Variants in CRYBG3 observed in about 807,000 individuals in gnomAD.
CRYBG3 encodes crystallin beta-gamma domain containing 3.
In CRYBG3, 127 loss-of-function variants were observed where a neutral mutation model predicts 244.2. The ratio of observed to expected loss-of-function variants is 0.52; its 90% CI spans 0.45 to 0.60. The LOEUF (loss-of-function observed/expected upper bound fraction) is 0.60. Ranked by LOEUF, CRYBG3 falls within the 20% of genes least tolerant of loss-of-function variation. The probability of loss-of-function intolerance (pLI) is 0.00; values close to 1 mark genes in which losing one functional copy is unlikely to be tolerated. For synonymous variants in CRYBG3, 1,132 were observed against 1,195.8 expected, an observed-to-expected ratio of 0.95 and a Z score of 1.10; for missense variants, 3,325 against 3,442.5, an observed-to-expected ratio of 0.97 and a Z score of 0.85.
chr3:97,872,187 T>C lies in CRYBG3; in HGVS notation c.993T>C (p.Asn331=), dbSNP rs2039312948. 3 of 1,535,708 alleles carry C rather than the reference T, an allele frequency of 2.0e-6. No homozygotes were observed. The highest frequency in any genetic ancestry group is 1.4e-5 in the African/African-American group (1 of 73,034). ...PELQNIASSN[N]LLNKNAWGSI... is the part of the protein sequence containing the mutation. ...TGCAGAATATTGCCTCTTCCAATAATCTTTTAAATAAAAATGCTTGGGGGA... is the reference window on the plus strand; with the variant it reads ...TGCAGAATATTGCCTCTTCCAATAACCTTTTAAATAAAAATGCTTGGGGGA... The change falls in exon 4 of 22, where the codon AAT becomes AAC. Residue 331 remains asparagine (N), a synonymous_variant. Coordinates refer to ENST00000389622, the MANE Select transcript of CRYBG3 (RefSeq NM_153605.4).
Position 97,871,921 on chromosome 3 carries a change from A to G in CRYBG3, c.727A>G (p.Lys243Glu), listed in dbSNP as rs2039306960. Residue 243 changes from lysine (K) to glutamate (E), a missense_variant, in exon 4 of 22, where the codon AAG (lysine) becomes GAG (glutamate). Lys to Glu is a moderately conservative substitution (Grantham distance 56, BLOSUM62 1). Coordinates refer to ENST00000389622, the MANE Select transcript of CRYBG3 (RefSeq NM_153605.4). ...RGPRHIGKYL[K>E]QQTGLATVNT... ...CCCAAGACACATTGGGAAATATTTA[A>G]AGCAACAGACAGGCTTGGCAACTGT... 1 of 1,535,566 alleles carries G rather than the reference A, an allele frequency of 6.5e-7. No homozygotes were observed. Among genetic ancestry groups the G allele is most frequent in the Admixed American group, 2.0e-5 (1 of 50,928 alleles).
At chr3:97,924,253 TTACTC>T (rs1445907570) in intron 17 of CRYBG3, 1 of 333,630 alleles carries the variant, frequency 3.0e-6, no homozygotes, top group Non-Finnish European at 5.7e-6. Context: ...GAATCCTACT[TTACTC>T]CAAACACAAA....
chr3:97,886,627 T>TC lies in CRYBG3; in HGVS notation c.7153-3dup. The stretch of plus-strand genomic sequence containing the variant: ...TTCAAAGCCAAATTATTTTTTTTTT[T>TC]CAGGACTGCAGCATTCCAGAAATAG... On this transcript the variant is annotated splice_polypyrimidine_tract_variant and splice_region_variant and intron_variant, in intron 7 of 21. Transcript: ENST00000389622. 6.3e-7 allele frequency: 1 copy of TC among 1,590,876 alleles called. No homozygotes were observed. The highest frequency in any genetic ancestry group is 8.5e-7 in the Non-Finnish European group (1 of 1,173,164).
In CRYBG3 at chr3:97,898,899, C is replaced by G. The variant is rs1409221301; in HGVS notation, c.7718C>G (p.Ser2573Cys). 1.9e-6 allele frequency: 3 copies of G among 1,592,344 alleles called. No individual in the cohort carries two copies. The Admixed American group carries it at 5.4e-5, about 29-fold the overall frequency. Residue 2573 changes from serine to cysteine, a missense_variant, in exon 13 of 22, where the codon TCT becomes TGT. Around this residue, in one of 4 missense-constraint regions of CRYBG3, gnomAD observed 714 missense variants for 803.6 expected, o/e 0.89. Coordinates refer to ENST00000389622, the MANE Select transcript of CRYBG3 (RefSeq NM_153605.4). ...TCCTTTTAGAATTTTATAGAATCTT[C>G]TGTCACACTATTTGAATCTGACCTA... ...RYLQANFIES[S>C]VTLFESDLES...
chr3:97,942,098 TC>T lies in CRYBG3; in HGVS notation c.8665-184del, dbSNP rs1458870599. The T allele has an allele frequency of 1.9e-5, 8 of 414,960 alleles. No individual in the cohort carries two copies. The East Asian group carries it at 2.9e-4, about 15-fold the overall frequency. 25.7% of individuals were successfully genotyped at this position (414,960 alleles called of 1,614,324 possible). On this transcript the variant is annotated intron_variant, in intron 20 of 21. Coordinates refer to ENST00000389622, the MANE Select transcript of CRYBG3 (RefSeq NM_153605.4). ...TCAGTTGGTTTATTTCTGTACCATC[TC>T]CTACCCACAGCCGTAAAGAAGACAT... is the stretch of plus-strand genomic sequence containing the variant.
At chr3:97,881,676 A>G (rs185642635) in intron 7 of CRYBG3, among the ~76,000 whole-genome samples, 108 of 151,926 alleles carry the variant, frequency 7.1e-4, no homozygotes, top group African/African-American at 2.5e-3. Flanking sequence ...GGATCACGCC[A>G]CTGCACTCCA....
At chr3:97,832,256 G>A (rs1053631086) in intron 1 of CRYBG3, among the ~76,000 whole-genome samples, 7 of 142,876 alleles carry the variant, frequency 4.9e-5, no homozygotes, top group Admixed American at 4.2e-4. Flanking sequence ...AGCCCATATA[G>A]CCAAGACAAT....
intron 17 of CRYBG3, among the ~76,000 whole-genome samples, chr3:97,923,208 G>A (rs1164572747): frequency 6.6e-6 from 1 of 152,056 alleles, no homozygotes; most frequent in Non-Finnish European, 1.5e-5. Flanking sequence ...GGAGTCAGGA[G>A]GGATAGCATT....
chr3:97,943,110 G>C, intron 21 of CRYBG3, 116 bp from the exon 22 acceptor site: 1 of 628,248 alleles, frequency 1.6e-6, no homozygotes, highest in South Asian at 2.0e-5. Context: ...AGACTTCTTT[G>C]TAAATGACAC....
intron 15 of CRYBG3, among the ~76,000 whole-genome samples, chr3:97,908,506 CTTCT>C (rs1211651762): frequency 6.6e-6 from 1 of 152,076 alleles, no homozygotes; most frequent in Non-Finnish European, 1.5e-5. Flanking sequence ...ATGTATTGGC[CTTCT>C]TTGTCTTTTT....
At chr3:97,913,567 G>C (rs931740877) in intron 16 of CRYBG3, among the ~76,000 whole-genome samples, 3 of 152,116 alleles carry the variant, frequency 2.0e-5, no homozygotes, top group Non-Finnish European at 4.4e-5. Context: ...TCATGAAATA[G>C]TCTTCTTTTA....
chr3:97,934,539 TA>T (rs1027906929), intron 18 of CRYBG3, among the ~76,000 whole-genome samples: 1 of 151,960 alleles, frequency 6.6e-6, no homozygotes, highest in Non-Finnish European at 1.5e-5. Flanking sequence ...TGACGGTTAA[TA>T]AAAAAATGGC....
chr3:97,929,564 GA>G (rs937559041), intron 17 of CRYBG3, among the ~76,000 whole-genome samples: 5 of 151,580 alleles, frequency 3.3e-5, no homozygotes, highest in East Asian at 3.9e-4. Context: ...AAATAAAGTA[GA>G]AAAAAATCAA....
chr3:97,855,239 T>C, intron 2 of CRYBG3, among the ~76,000 whole-genome samples: 1 of 152,130 alleles, frequency 6.6e-6, no homozygotes, highest in Non-Finnish European at 1.5e-5. Context: ...TTTATTTTGC[T>C]AGTATTTTAT....
intron 2 of CRYBG3, among the ~76,000 whole-genome samples, chr3:97,848,906 G>A (rs931969289): frequency 5.9e-5 from 9 of 152,228 alleles, no homozygotes; most frequent in African/African-American, 2.2e-4. Flanking sequence ...TTGATGGTGG[G>A]AATGATTTGC....
chr3:97,822,320 G>T lies in CRYBG3; in HGVS notation c.114G>T (p.Thr38=), dbSNP rs1205509513. Residue 38 remains threonine, a synonymous_variant, in exon 1 of 22, where the codon ACG becomes ACT. Coordinates refer to ENST00000389622, the MANE Select transcript of CRYBG3 (RefSeq NM_153605.4). ...AGGAAGAGGAGGAGAGGCCGGGGAC[G>T]AGCCCGCCTCCAGCTCCAGGCCGGT... ...KEEEEEERPG[T]SPPPAPGRSA... The T allele has an allele frequency of 7.3e-6, 11 of 1,516,250 alleles. No homozygotes were observed. Among genetic ancestry groups the T allele is most frequent in the African/African-American group, 1.4e-5 (1 of 71,374 alleles). 93.9% of individuals were successfully genotyped at this position (1,516,250 alleles called of 1,614,324 possible). A position where few individuals can be genotyped will look rare whatever the true frequency, so the allele number is the denominator to read the frequency against.
intron 1 of CRYBG3, among the ~76,000 whole-genome samples, chr3:97,825,693 C>T (rs1215685602): frequency 6.6e-6 from 1 of 152,104 alleles, no homozygotes; most frequent in Non-Finnish European, 1.5e-5. Flanking sequence ...ATTCCTCCAC[C>T]CAGGTGGGTG....
chr3:97,877,220 A>C lies in CRYBG3; in HGVS notation c.6026A>C (p.Glu2009Ala). ...ATATTATACGAAGAGCCCCTTCAAG[A>C]GGAGGACAAGTATGCTTCCGCAGAA... ...FTILYEEPLQEEDKYASAEAR... is the reference protein window; with the variant it reads ...FTILYEEPLQAEDKYASAEAR... The change falls in exon 4 of 22, where the codon GAG becomes GCG. Residue 2009 changes from glutamate to alanine, a missense_variant. Physicochemically the swap from Glu to Ala is moderately radical, Grantham distance 107. Transcript: ENST00000389622. The C allele has an allele frequency of 1.2e-6, 2 of 1,613,970 alleles. No homozygotes were observed. The highest frequency in any genetic ancestry group is 1.7e-6 in the Non-Finnish European group (2 of 1,179,872).
chr3:97,908,454 A>G (rs534534118), intron 15 of CRYBG3, among the ~76,000 whole-genome samples: 37 of 152,340 alleles, frequency 2.4e-4, no homozygotes, highest in African/African-American at 8.7e-4. Context: ...ATATATATTT[A>G]GGACAGTTAG....
Sources: allele counts gnomAD v4.1 joint callset (sites outside exome capture counted in the v4.1 genomes callset), GRCh38; gene constraint gnomAD v4.1.1; regional missense constraint gnomAD v4.1.1; transcripts MANE v1.5; gene names NCBI Gene and HGNC (gene_info 2026-07-23, HGNC 2026-07-21).